The following C8orf88 variants were observed in gnomAD, a reference collection of about 807,000 sequenced individuals.
C8orf88 encodes uncharacterized protein C8orf88.
In C8orf88, 14 loss-of-function variants were observed where a neutral mutation model predicts 18.4. The observed-to-expected ratio is 0.76, with a 90% confidence interval of 0.50 to 1.19. The LOEUF (loss-of-function observed/expected upper bound fraction) is 1.19. C8orf88 is among the 50% of genes most tolerant of loss of function. The pLI is 0.00. For synonymous variants in C8orf88, 45 were observed against 42.9 expected, an observed-to-expected ratio of 1.05 and a Z score of -0.19; for missense variants, 116 against 134.7, an observed-to-expected ratio of 0.86 and a Z score of 0.69.
chr8:90,979,631 T>G (rs536674456), intron 2 of C8orf88, among the ~76,000 whole-genome samples: 1 of 152,328 alleles, frequency 6.6e-6, no homozygotes, highest in East Asian at 1.9e-4. Flanking sequence ...TATCTATATT[T>G]TCCCATTTAT....
intron 4 of C8orf88, among the ~76,000 whole-genome samples, chr8:90,965,503 T>G (rs1282236283): frequency 1.3e-5 from 2 of 151,718 alleles, no homozygotes; most frequent in Non-Finnish European, 2.9e-5. Flanking sequence ...ACAACCCAAC[T>G]AACCTAATTA....
Position 90,978,012 on chromosome 8 carries a change from G to A in C8orf88, c.147+567C>T, listed in dbSNP as rs1041373778. ...GAAATAGTATCTAGGTAAGAAACTG[G>A]TACAATGCATCTGGCTAAGAAACTG... On this transcript the variant is annotated intron_variant, in intron 3 of 5. Transcript: ENST00000517562. Among the ~76,000 whole-genome samples the A allele has an allele frequency of 3.3e-5, 5 of 152,148 alleles. No individual in the cohort carries two copies. The East Asian group carries it at 9.7e-4, about 29-fold the overall frequency.
chr8:90,968,139 T>C (rs1811230024), intron 4 of C8orf88, among the ~76,000 whole-genome samples: 1 of 151,724 alleles, frequency 6.6e-6, no homozygotes, highest in Non-Finnish European at 1.5e-5. Flanking sequence ...AAGAACAAAG[T>C]TAGAAGACTT....
intron 5 of C8orf88, 148 bp from the exon 6 acceptor site, chr8:90,959,178 T>A: frequency 2.4e-6 from 1 of 421,624 alleles, no homozygotes. Context: ...ACTAGAACTG[T>A]CAAATAACAA....
chr8:90,974,563 C>A (rs1304917918), intron 3 of C8orf88, among the ~76,000 whole-genome samples: 1 of 151,930 alleles, frequency 6.6e-6, no homozygotes, highest in Non-Finnish European at 1.5e-5. Flanking sequence ...TCCCAGGAGA[C>A]CATGAAAGAT....
chr8:90,959,589 T>G (rs1811095736), intron 5 of C8orf88, among the ~76,000 whole-genome samples: 1 of 151,452 alleles, frequency 6.6e-6, no homozygotes, highest in Admixed American at 6.6e-5. Flanking sequence ...TTAATTAACT[T>G]TAAAAAGAAT....
chr8:90,963,660 A>G (rs1367132131), intron 4 of C8orf88, among the ~76,000 whole-genome samples: 1 of 151,768 alleles, frequency 6.6e-6, no homozygotes, highest in Non-Finnish European at 1.5e-5. Context: ...TGAGAAGTAC[A>G]ATAACGGAAA....
intron 3 of C8orf88, among the ~76,000 whole-genome samples, chr8:90,973,429 G>A (rs191921696): frequency 6.6e-6 from 1 of 152,208 alleles, no homozygotes; most frequent in East Asian, 1.9e-4. Context: ...TTCAAATCAA[G>A]TGCTCTTTGC....
At chr8:90,980,077 C>G (rs998894654) in intron 2 of C8orf88, among the ~76,000 whole-genome samples, 1 of 152,108 alleles carries the variant, frequency 6.6e-6, no homozygotes, top group African/African-American at 2.4e-5. Flanking sequence ...CTGGGAGTAT[C>G]ACTCTGACCA....
intron 4 of C8orf88, among the ~76,000 whole-genome samples, chr8:90,967,275 C>T (rs145304079): frequency 1.4e-3 from 208 of 151,926 alleles, no homozygotes; most frequent in African/African-American, 4.8e-3. Flanking sequence ...CCCACTTGGA[C>T]ATGGTATATA....
At chr8:90,978,969 G>A (rs1454210289) in intron 2 of C8orf88, among the ~76,000 whole-genome samples, 1 of 152,156 alleles carries the variant, frequency 6.6e-6, no homozygotes, top group Non-Finnish European at 1.5e-5. Context: ...AGGGCAAACG[G>A]AATAGGTTTG....
intron 3 of C8orf88, among the ~76,000 whole-genome samples, chr8:90,974,641 G>T (rs1224840956): frequency 2.0e-5 from 3 of 152,152 alleles, no homozygotes; most frequent in Admixed American, 6.5e-5. Context: ...TGAAAAACAG[G>T]TTAAAGGAAG....
At chr8:90,985,050 C>T (rs1811485293) in intron 1 of C8orf88, 64 bp downstream of exon 1, 1 of 150,642 alleles carries the variant, frequency 6.6e-6, no homozygotes, top group South Asian at 2.1e-4. Context: ...GCCCACCCGC[C>T]TCCTCCACAC....
intron 1 of C8orf88, among the ~76,000 whole-genome samples, chr8:90,984,001 A>T (rs1403686051): frequency 6.6e-6 from 1 of 152,170 alleles, no homozygotes; most frequent in East Asian, 1.9e-4. Context: ...TTTTTCTTAG[A>T]ATACTAAATA....
intron 4 of C8orf88, 135 bp from the exon 5 acceptor site, chr8:90,960,983 A>C (rs893575459): frequency 5.7e-5 from 24 of 420,866 alleles, no homozygotes; most frequent in Middle Eastern, 1.2e-3. Flanking sequence ...AAAGAGAAGG[A>C]GAAAAAAGGC....
intron 3 of C8orf88, among the ~76,000 whole-genome samples, chr8:90,977,227 C>A (rs1811363544): frequency 6.6e-6 from 1 of 152,040 alleles, no homozygotes; most frequent in African/African-American, 2.4e-5. Context: ...TAAAACCAAC[C>A]AAAATATATA....
chr8:90,961,243 A>C (rs1034176294), intron 4 of C8orf88, among the ~76,000 whole-genome samples: 2 of 151,390 alleles, frequency 1.3e-5, no homozygotes, highest in African/African-American at 4.8e-5. Flanking sequence ...AACTTAACAC[A>C]ATAAAAATAA....
At chr8:90,971,846 A>G (rs1369226646) in intron 3 of C8orf88, among the ~76,000 whole-genome samples, 1 of 152,100 alleles carries the variant, frequency 6.6e-6, no homozygotes, top group Non-Finnish European at 1.5e-5. Context: ...TTAGCTTTCC[A>G]TAAATCTCCC....
intron 4 of C8orf88, among the ~76,000 whole-genome samples, chr8:90,962,978 C>T (rs1043790753): frequency 1.3e-5 from 2 of 151,584 alleles, no homozygotes; most frequent in Non-Finnish European, 3.0e-5. Context: ...TAGAAGCCCA[C>T]ATGCATGTCA....
Sources: gnomAD v4.1 joint callset for allele counts (sites outside exome capture counted in the v4.1 genomes callset) on GRCh38, gnomAD v4.1.1 for gene constraint, MANE v1.5 for transcripts, NCBI Gene and HGNC (gene_info 2026-07-23, HGNC 2026-07-21) for gene names.